The following STPG4 variants were observed in gnomAD, a reference collection of about 807,000 sequenced individuals.
The protein encoded by STPG4 is protein STPG4.
In STPG4, 41 loss-of-function variants were observed where a neutral mutation model predicts 31.5. The ratio of observed to expected loss-of-function variants is 1.30; its 90% CI spans 1.01 to 1.69. The LOEUF is 1.69. Among genes scored for constraint, STPG4 ranks in the 40% most tolerant of loss-of-function variants. The pLI is 0.00. For missense variants in STPG4, 375 were observed against 293.4 expected (o/e 1.28, Z -2.03); for synonymous variants, 141 against 103.0 (o/e 1.37, Z -2.24).
intron 5 of STPG4, among the ~76,000 whole-genome samples, chr2:47,125,309 C>T (rs1414399512): frequency 6.6e-6 from 1 of 152,030 alleles, no homozygotes; most frequent in Non-Finnish European, 1.5e-5. Context: ...GTAATCCCAG[C>T]TACTTGAGGG....
At chr2:47,127,017 T>G (rs1686378749) in intron 5 of STPG4, among the ~76,000 whole-genome samples, 1 of 152,060 alleles carries the variant, frequency 6.6e-6, no homozygotes. Context: ...ATGCTTAGTG[T>G]TCTATAACCT....
chr2:47,091,140 G>C (rs1030953182), intron 5 of STPG4, among the ~76,000 whole-genome samples: 2 of 121,470 alleles, frequency 1.6e-5, no homozygotes, highest in East Asian at 2.8e-4. Flanking sequence ...AGGAAGGAAA[G>C]AAGGAAGGGA....
chr2:47,093,415 A>G (rs538979975), intron 5 of STPG4, among the ~76,000 whole-genome samples: 5 of 152,328 alleles, frequency 3.3e-5, no homozygotes, highest in African/African-American at 1.2e-4. Flanking sequence ...CGCCAAGAAA[A>G]TCTGCACAGG....
intron 3 of STPG4, among the ~76,000 whole-genome samples, chr2:47,138,504 G>A (rs1466271687): frequency 1.3e-5 from 2 of 151,202 alleles, no homozygotes; most frequent in East Asian, 1.9e-4. Context: ...TGAGTCTCCT[G>A]CCTCAGCCTC....
At chr2:47,146,684 T>G (rs1686827241) in intron 3 of STPG4, among the ~76,000 whole-genome samples, 1 of 152,154 alleles carries the variant, frequency 6.6e-6, no homozygotes, top group Non-Finnish European at 1.5e-5. Context: ...TGAGTGAGAC[T>G]GGATGAGATC....
At chr2:47,122,657 C>G (rs1264625595) in intron 5 of STPG4, among the ~76,000 whole-genome samples, 1 of 149,164 alleles carries the variant, frequency 6.7e-6, no homozygotes, top group Non-Finnish European at 1.5e-5. Flanking sequence ...ATTCTAGGAT[C>G]TGTTTCTGAG....
intron 5 of STPG4, among the ~76,000 whole-genome samples, chr2:47,106,371 C>T (rs1685911676): frequency 6.6e-6 from 1 of 151,916 alleles, no homozygotes; most frequent in Non-Finnish European, 1.5e-5. Context: ...TCCGTCAGCG[C>T]AGAGCCATAC....
chr2:47,116,063 G>A (rs1686147357), intron 5 of STPG4, among the ~76,000 whole-genome samples: 1 of 152,196 alleles, frequency 6.6e-6, no homozygotes, highest in South Asian at 2.1e-4. Flanking sequence ...TTCCCTAAGT[G>A]TTGGGATATA....
intron 5 of STPG4, among the ~76,000 whole-genome samples, chr2:47,123,849 A>C (rs1686318055): frequency 6.6e-6 from 1 of 152,210 alleles, no homozygotes; most frequent in Non-Finnish European, 1.5e-5. Context: ...TATGGAGTAC[A>C]TGAGATATTT....
intron 5 of STPG4, among the ~76,000 whole-genome samples, chr2:47,125,841 G>A (rs1269236112): frequency 1.3e-5 from 2 of 151,940 alleles, no homozygotes; most frequent in African/African-American, 2.4e-5. Context: ...TTACAGACGT[G>A]AGCCACCATA....
chr2:47,123,056 C>A (rs953901018), intron 5 of STPG4, among the ~76,000 whole-genome samples: 3 of 152,104 alleles, frequency 2.0e-5, no homozygotes, highest in African/African-American at 7.2e-5. Flanking sequence ...AAACTCCTGA[C>A]CTCAAATGAT....
At chr2:47,123,119 C>A (rs1298518934) in intron 5 of STPG4, among the ~76,000 whole-genome samples, 1 of 152,144 alleles carries the variant, frequency 6.6e-6, no homozygotes. Flanking sequence ...AGCCACTGTG[C>A]CCAGCCAATT....
intron 3 of STPG4, among the ~76,000 whole-genome samples, chr2:47,130,980 A>G (rs938441773): frequency 6.6e-6 from 1 of 151,496 alleles, no homozygotes; most frequent in Non-Finnish European, 1.5e-5. Flanking sequence ...GCACCCAGCT[A>G]CTTTTTTATT....
chr2:47,151,387 ATT>A lies in STPG4; in HGVS notation c.268_269del (p.Asn90SerfsTer5). 6.2e-7 allele frequency: 1 copy of A among 1,614,178 alleles called. No homozygotes were observed. Among genetic ancestry groups the A allele is most frequent in the Non-Finnish European group, 8.5e-7 (1 of 1,180,040 alleles). On this transcript the variant is annotated frameshift_variant, in exon 3 of 7. Transcript: ENST00000445927. LOFTEE classifies it high-confidence loss of function. ...ACTGCGGAAGATCATTTAGGACTGGATTGTTTCTTTGCACAAGAGGTGGCTTT... is the reference window on the plus strand; with the variant it reads ...ACTGCGGAAGATCATTTAGGACTGGAGTTTCTTTGCACAAGAGGTGGCTTT... ...RKKPPLVQRN[N>X]PVLNDLPQYM...
intron 2 of STPG4, among the ~76,000 whole-genome samples, 186 bp from the exon 3 acceptor site, chr2:47,151,701 AT>A (rs1686940157): frequency 6.6e-6 from 1 of 152,152 alleles, no homozygotes; most frequent in Non-Finnish European, 1.5e-5. Flanking sequence ...CCTTTCTGAA[AT>A]AATTGCTGAA....
rs562096995 is a variant in STPG4 at position 47,100,001 on chromosome 2, G to A, written c.520-9627C>T. Among the ~76,000 whole-genome samples, 36 of 152,228 alleles carry A rather than the reference G, an allele frequency of 2.4e-4. 1 individual carries two copies. The highest frequency in any genetic ancestry group is 1.9e-3 in the Admixed American group (29 of 15,300). Reference sequence around the variant, plus strand: ...GGGCTCGGGACCTGCAGCCCACCATGCCTGAGCCTCCCACCCCTTCCATGG... The same window carrying A: ...GGGCTCGGGACCTGCAGCCCACCATACCTGAGCCTCCCACCCCTTCCATGG... On this transcript the variant is annotated intron_variant, in intron 5 of 6. Coordinates refer to ENST00000445927, the MANE Select transcript of STPG4 (RefSeq NM_001163561.2).
At chr2:47,115,939 C>T (rs897156850) in intron 5 of STPG4, among the ~76,000 whole-genome samples, 2 of 152,206 alleles carry the variant, frequency 1.3e-5, no homozygotes, top group African/African-American at 4.8e-5. Flanking sequence ...CAGGCGTGAG[C>T]CACCAGGCCC....
intron 3 of STPG4, among the ~76,000 whole-genome samples, chr2:47,138,245 G>A (rs1408204494): frequency 6.6e-6 from 1 of 152,146 alleles, no homozygotes; most frequent in Non-Finnish European, 1.5e-5. Context: ...AGATCCATGT[G>A]TTATTTAGAA....
chr2:47,102,637 C>T (rs2103741985), intron 5 of STPG4, among the ~76,000 whole-genome samples: 1 of 151,956 alleles, frequency 6.6e-6, no homozygotes, highest in Non-Finnish European at 1.5e-5. Flanking sequence ...ATATCCTAGC[C>T]TCCCTATAGC....
Sources: gnomAD v4.1 joint callset for allele counts (sites outside exome capture counted in the v4.1 genomes callset) on GRCh38, gnomAD v4.1.1 for gene constraint, MANE v1.5 for transcripts, NCBI Gene and HGNC (gene_info 2026-07-23, HGNC 2026-07-21) for gene names.